Variants in TLE1 observed in about 807,000 individuals in gnomAD.
TLE1 encodes the protein transducin-like enhancer protein 1.
TLE1 carries 21 observed loss-of-function variants against 89.8 expected under a neutral mutation model. The observed-to-expected ratio is 0.23, with a 90% CI of 0.17 to 0.34. The LOEUF is 0.34. TLE1 is among the 10% of genes least tolerant of loss of function. The pLI is 1.00. For missense variants in TLE1, 795 were observed against 1,031.2 expected (o/e 0.77, Z 3.14); for synonymous variants, 447 against 407.6 (o/e 1.10, Z -1.16).
intron 8 of TLE1, among the ~76,000 whole-genome samples, chr9:81,622,150 C>T (rs1262734558): frequency 6.6e-6 from 1 of 152,192 alleles, no homozygotes; most frequent in Non-Finnish European, 1.5e-5. Flanking sequence ...AAAGCTGGGC[C>T]GGGGCAGCAG....
At chr9:81,600,766 A>G (rs1587911851) in intron 14 of TLE1, among the ~76,000 whole-genome samples, 1 of 152,228 alleles carries the variant, frequency 6.6e-6, no homozygotes, top group Admixed American at 6.5e-5. Flanking sequence ...TTTCTAGAAG[A>G]GATTAGCATT....
chr9:81,591,642 G>T (rs886998539), intron 15 of TLE1, among the ~76,000 whole-genome samples: 1 of 152,098 alleles, frequency 6.6e-6, no homozygotes, highest in African/African-American at 2.4e-5. Context: ...ATCAACTCCT[G>T]AAAGATGCAG....
intron 13 of TLE1, among the ~76,000 whole-genome samples, chr9:81,610,497 G>A (rs1266105457): frequency 6.6e-6 from 1 of 152,066 alleles, no homozygotes; most frequent in Non-Finnish European, 1.5e-5. Flanking sequence ...CTTCCTTTTT[G>A]GGAGGTAGAG....
At chr9:81,677,796 TC>T (rs1833093574) in intron 4 of TLE1, among the ~76,000 whole-genome samples, 1 of 152,132 alleles carries the variant, frequency 6.6e-6, no homozygotes, top group Non-Finnish European at 1.5e-5. Context: ...TGATTCCACT[TC>T]ATCTAATGGA....
rs904775520 is a variant in TLE1 at position 81,585,806 on chromosome 9, C to A, written c.1978-151G>T. The A allele has an allele frequency of 4.5e-6, 4 of 889,432 alleles. No individual in the cohort carries two copies. In the African/African-American group the frequency reaches 6.7e-5, roughly 15 times the overall value. 55.1% of individuals were successfully genotyped at this position (889,432 alleles called of 1,614,324 possible). A position where few individuals can be genotyped will look rare whatever the true frequency, so the allele number is the denominator to read the frequency against. ...GAGGTCCACAGGGCAAGTGATCTAA[C>A]GCAGATGAACCAAGTGTCAAAACCT... On this transcript the variant is annotated intron_variant, in intron 17 of 19. Coordinates refer to ENST00000376499, the MANE Select transcript of TLE1 (RefSeq NM_005077.5).
At chr9:81,603,582 A>ACCTTT (rs1209283251) in intron 14 of TLE1, among the ~76,000 whole-genome samples, 2 of 152,098 alleles carry the variant, frequency 1.3e-5, no homozygotes, top group Admixed American at 6.5e-5. Flanking sequence ...TACCAAAATA[A>ACCTTT]CCTTTGTCTC....
chr9:81,632,800 T>A (rs929585101), intron 8 of TLE1, among the ~76,000 whole-genome samples: 2 of 152,114 alleles, frequency 1.3e-5, no homozygotes, highest in Non-Finnish European at 2.9e-5. Flanking sequence ...AAAATAGATA[T>A]AAGATCAAGT....
Position 81,639,590 on chromosome 9 carries a change from T to G in TLE1, c.373-5289A>C, listed in dbSNP as rs947858204. On this transcript the variant is annotated intron_variant, in intron 6 of 19. Transcript: ENST00000376499. ...AGTAAAAGTTGTTTTTTTTTTTTGT[T>G]TTTTTTTTTTTTGAGACAGTCTCGC... 8.2e-5 allele frequency among the ~76,000 whole-genome samples: 12 copies of G among 146,892 alleles called. No homozygotes were observed. In the South Asian group the frequency reaches 1.8e-3, roughly 22 times the overall value.
chr9:81,616,825 G>A, intron 9 of TLE1, 126 bp from the exon 10 acceptor site: 1 of 972,796 alleles, frequency 1.0e-6, no homozygotes, highest in South Asian at 1.4e-5. Context: ...AGGCCTGCAG[G>A]CTCTCTATCA....
intron 8 of TLE1, among the ~76,000 whole-genome samples, chr9:81,622,125 T>C (rs1348506437): frequency 2.6e-5 from 4 of 152,228 alleles, no homozygotes; most frequent in Non-Finnish European, 4.4e-5. Context: ...TGCAAAGTGC[T>C]AACACGCCCT....
intron 8 of TLE1, 21 bp downstream of exon 8, chr9:81,633,327 A>C: frequency 1.3e-6 from 2 of 1,587,612 alleles, no homozygotes; most frequent in Non-Finnish European, 1.7e-6. Context: ...GTGTGTGTGC[A>C]GCAGGCGTTT....
intron 4 of TLE1, among the ~76,000 whole-genome samples, chr9:81,667,199 G>C (rs932873209): frequency 6.6e-6 from 1 of 152,028 alleles, no homozygotes; most frequent in East Asian, 1.9e-4. Context: ...GATCACTTTA[G>C]GTCAGGAGTT....
At chr9:81,662,438 T>TA (rs1239070673) in intron 4 of TLE1, among the ~76,000 whole-genome samples, 28 of 149,954 alleles carry the variant, frequency 1.9e-4, no homozygotes, top group Admixed American at 6.7e-5. Context: ...CTCACGCCTG[T>TA]AATCCCAACA....
intron 4 of TLE1, among the ~76,000 whole-genome samples, chr9:81,665,648 C>A (rs1054481807): frequency 6.6e-6 from 1 of 152,172 alleles, no homozygotes; most frequent in Non-Finnish European, 1.5e-5. Context: ...ATCTTCGCAG[C>A]AGCTCTCAGC....
At chr9:81,651,297 G>C (rs2627007) in intron 6 of TLE1, among the ~76,000 whole-genome samples, 32,371 of 152,142 alleles carry the variant, frequency 0.21, 3,912 homozygotes, top group South Asian at 0.43. Flanking sequence ...TTGGCTTAGT[G>C]TGGAAGGGGA....
chr9:81,665,735 C>T (rs1160724282), intron 4 of TLE1, among the ~76,000 whole-genome samples: 1 of 152,088 alleles, frequency 6.6e-6, no homozygotes, highest in Non-Finnish European at 1.5e-5. Context: ...TAATAGCGGG[C>T]TTGAGTGTGG....
Position 81,687,450 on chromosome 9 carries a change from G to A in TLE1, c.25-16C>T, listed in dbSNP as rs1050979048. The A allele has an allele frequency of 9.4e-6, 15 of 1,588,680 alleles. No homozygotes were observed. The highest frequency in any genetic ancestry group is 4.5e-5 in the East Asian group (2 of 44,502). On this transcript the variant is annotated splice_polypyrimidine_tract_variant and intron_variant, in intron 1 of 19. Transcript: ENST00000376499. ...GGTGCGGCGTCTGGGGGCGACCAGC[G>A]AGGGGGACCGAGGGACGGGAATGCG...
At chr9:81,679,325 CCT>C (rs1221839923) in intron 4 of TLE1, among the ~76,000 whole-genome samples, 5 of 150,990 alleles carry the variant, frequency 3.3e-5, no homozygotes, top group Non-Finnish European at 5.9e-5. Flanking sequence ...TTTTTTTTCC[CCT>C]GTGGACCCTG....
intron 5 of TLE1, among the ~76,000 whole-genome samples, chr9:81,653,454 ATGACTT>A (rs2132644295): frequency 6.6e-6 from 1 of 152,372 alleles, no homozygotes; most frequent in South Asian, 2.1e-4. Flanking sequence ...TTAAACCTCT[ATGACTT>A]TGTAACTAAA....
Sources: allele counts gnomAD v4.1 joint callset (sites outside exome capture counted in the v4.1 genomes callset), GRCh38; gene constraint gnomAD v4.1.1; transcripts MANE v1.5; gene names NCBI Gene and HGNC (gene_info 2026-07-23, HGNC 2026-07-21).